MYLK4: variants seen among roughly 807,000 people sequenced by gnomAD.
The protein encoded by MYLK4 is myosin light chain kinase family member 4, also known as caMLCK like.
MYLK4 carries 46 observed loss-of-function variants against 48.1 expected under a neutral mutation model. The ratio of observed to expected loss-of-function variants is 0.96; its 90% CI spans 0.75 to 1.22. The LOEUF is 1.22. MYLK4 is among the 50% of genes most tolerant of loss of function. The pLI is 0.00. For missense variants in MYLK4, 451 were observed against 486.1 expected, an observed-to-expected ratio of 0.93 and a Z score of 0.68; for synonymous variants, 170 against 180.8, an observed-to-expected ratio of 0.94 and a Z score of 0.48.
chr6:2,693,236 A>G (rs1168662376), intron 2 of MYLK4, among the ~76,000 whole-genome samples: 1 of 152,216 alleles, frequency 6.6e-6, no homozygotes, highest in Non-Finnish European at 1.5e-5. Context: ...ACTATTTTCA[A>G]AGAAATTCTG....
intron 2 of MYLK4, among the ~76,000 whole-genome samples, chr6:2,711,827 A>G (rs1426930047): frequency 6.6e-6 from 1 of 152,152 alleles, no homozygotes; most frequent in East Asian, 1.9e-4. Flanking sequence ...AAGGTATATA[A>G]CTTTAAAGTA....
chr6:2,766,470 T>C, the MYLK4 span: 22 of 1,475,494 alleles, frequency 1.5e-5, no homozygotes, highest in Middle Eastern at 3.6e-4. Context: ...GCCGTTGGGC[T>C]TCCGTAGTTA....
chr6:2,697,270 C>T (rs1489892853), intron 2 of MYLK4, among the ~76,000 whole-genome samples: 1 of 152,184 alleles, frequency 6.6e-6, no homozygotes, highest in African/African-American at 2.4e-5. Flanking sequence ...TCTAATTAGT[C>T]GGTTTGAGTG....
intron 2 of MYLK4, among the ~76,000 whole-genome samples, chr6:2,727,156 T>C (rs1763306482): frequency 6.6e-6 from 1 of 152,208 alleles, no homozygotes; most frequent in South Asian, 2.1e-4. Context: ...CTGGTCTCAC[T>C]GTCAGTTTTC....
intron 2 of MYLK4, among the ~76,000 whole-genome samples, chr6:2,726,681 C>T (rs922916594): frequency 2.8e-5 from 4 of 144,996 alleles, no homozygotes; most frequent in South Asian, 4.3e-4. Context: ...GGCGGGATTT[C>T]GGCTCACTGC....
intron 2 of MYLK4, among the ~76,000 whole-genome samples, chr6:2,712,334 C>T (rs573007445): frequency 1.4e-4 from 22 of 152,290 alleles, no homozygotes; most frequent in Non-Finnish European, 2.5e-4. Context: ...ACATGCAGGT[C>T]CTGGCTAGCA....
chr6:2,684,487 A>G, intron 6 of MYLK4, among the ~76,000 whole-genome samples: 1 of 152,204 alleles, frequency 6.6e-6, no homozygotes, highest in Non-Finnish European at 1.5e-5. Flanking sequence ...TTGAGGAATG[A>G]AAAACAAAAC....
chr6:2,680,201 C>A lies in MYLK4; in HGVS notation c.758+20G>T. The A allele has an allele frequency of 1.9e-6, 3 of 1,613,006 alleles. No individual in the cohort carries two copies. The highest frequency in any genetic ancestry group is 2.5e-6 in the Non-Finnish European group (3 of 1,179,048). On this transcript the variant is annotated intron_variant, in intron 8 of 12. Transcript: ENST00000274643. ...ATGTCCCCCAGCTCCATTCGTACAC[C>A]TATGTCCAAATAGACATACCTTCTG...
At chr6:2,704,716 T>C (rs1188214839) in intron 2 of MYLK4, among the ~76,000 whole-genome samples, 2 of 152,254 alleles carry the variant, frequency 1.3e-5, no homozygotes, top group Admixed American at 1.3e-4. Flanking sequence ...TTATGGAAAC[T>C]AATTTTTCCA....
intron 12 of MYLK4, among the ~76,000 whole-genome samples, chr6:2,670,685 G>A (rs1010596385): frequency 6.6e-6 from 1 of 152,140 alleles, no homozygotes; most frequent in Admixed American, 6.5e-5. Flanking sequence ...GCTAGGTGGA[G>A]GTCCGCATGT....
chr6:2,723,924 T>C (rs1763158159), intron 2 of MYLK4, among the ~76,000 whole-genome samples: 1 of 152,182 alleles, frequency 6.6e-6, no homozygotes, highest in African/African-American at 2.4e-5. Context: ...TCACCCAGAC[T>C]GGAGGGCAGT....
chr6:2,749,941 A>G (rs1764229662), intron 1 of MYLK4, among the ~76,000 whole-genome samples: 1 of 152,236 alleles, frequency 6.6e-6, no homozygotes, highest in Admixed American at 6.5e-5. Context: ...CAGCACTCCC[A>G]GATACCTTTC....
intron 10 of MYLK4, 117 bp downstream of exon 10, chr6:2,678,103 G>T: frequency 7.7e-7 from 1 of 1,301,366 alleles, no homozygotes; most frequent in Non-Finnish European, 1.1e-6. Flanking sequence ...TTCTATCCAT[G>T]ACTTTGCGCA....
the MYLK4 span, among the ~76,000 whole-genome samples, chr6:2,763,183 A>G: frequency 5.3e-5 from 8 of 152,204 alleles, no homozygotes; most frequent in Non-Finnish European, 2.9e-5. Context: ...TGAGCTAGAT[A>G]CAGAGTGCCG....
chr6:2,703,111 A>T (rs1762354199), intron 2 of MYLK4, among the ~76,000 whole-genome samples: 1 of 152,142 alleles, frequency 6.6e-6, no homozygotes, highest in Admixed American at 6.5e-5. Flanking sequence ...CCTCAGGACC[A>T]TCCTAAGACC....
At chr6:2,696,583 G>A (rs905474188) in intron 2 of MYLK4, among the ~76,000 whole-genome samples, 1 of 152,202 alleles carries the variant, frequency 6.6e-6, no homozygotes, top group Non-Finnish European at 1.5e-5. Context: ...GGACTTCTCA[G>A]CCCCCAGAAC....
the MYLK4 span, chr6:2,766,192 C>A: frequency 1.4e-6 from 2 of 1,397,950 alleles, no homozygotes. Context: ...GGCACTGGGA[C>A]GCGGACGCTG....
At chr6:2,725,611 C>G (rs56876296) in intron 2 of MYLK4, among the ~76,000 whole-genome samples, 2,057 of 121,674 alleles carry the variant, frequency 0.017, 61 homozygotes, top group African/African-American at 0.063. Flanking sequence ...AAGAAACAAA[C>G]AAACAAACAA....
At position 2,679,427 on chromosome 6, in the gene MYLK4, A is replaced by T. The variant is rs200806017; in HGVS notation, c.759-19T>A. On this transcript the variant is annotated intron_variant, in intron 8 of 12. Coordinates refer to ENST00000274643, the MANE Select transcript of MYLK4 (RefSeq NM_001012418.5). ...TTTGTATCTGCAATTTAAGAGACAA[A>T]GTGGAAGGATGGACGTGTCGATCAA... 1.4e-5 allele frequency: 23 copies of T among 1,614,170 alleles called. No homozygotes were observed. The Admixed American group carries it at 3.2e-4, about 22-fold the overall frequency.
Sources: allele counts gnomAD v4.1 joint callset (sites outside exome capture counted in the v4.1 genomes callset), GRCh38; gene constraint gnomAD v4.1.1; transcripts MANE v1.5; gene names NCBI Gene and HGNC (gene_info 2026-07-23, HGNC 2026-07-21).